XPO7: variants seen among roughly 807,000 people sequenced by gnomAD.
XPO7 encodes the protein exportin 7, also known as exportin-7.
In XPO7, 21 loss-of-function variants were observed where a neutral mutation model predicts 144.3. The ratio of observed to expected loss-of-function variants is 0.15; its 90% CI spans 0.10 to 0.21. The LOEUF (loss-of-function observed/expected upper bound fraction) is 0.21, where lower values mean the gene tolerates loss of function less well. XPO7 is among the 10% of genes least tolerant of loss of function. The pLI is 1.00. For synonymous variants in XPO7, 580 were observed against 499.6 expected (o/e 1.16, Z -2.15); for missense variants, 808 against 1,325.8 (o/e 0.61, Z 6.06).
chr8:21,994,565 G>A, intron 20 of XPO7, 114 bp downstream of exon 20: 2 of 985,382 alleles, frequency 2.0e-6, no homozygotes, highest in South Asian at 2.9e-5. Context: ...CAGAGAAGAT[G>A]AAGAGTTAGC....
At chr8:21,943,409 T>C (rs1811058302) in intron 1 of XPO7, among the ~76,000 whole-genome samples, 1 of 152,220 alleles carries the variant, frequency 6.6e-6, no homozygotes, top group Non-Finnish European at 1.5e-5. Context: ...TTTTAAAATA[T>C]TCTAATTCAC....
intron 1 of XPO7, among the ~76,000 whole-genome samples, chr8:21,947,986 G>A (rs902795241): frequency 6.6e-6 from 1 of 152,140 alleles, no homozygotes; most frequent in Non-Finnish European, 1.5e-5. Context: ...GAGGAAGAAG[G>A]AGCACAGTGG....
intron 5 of XPO7, among the ~76,000 whole-genome samples, chr8:21,972,235 T>G (rs1271045006): frequency 6.6e-6 from 1 of 152,022 alleles, no homozygotes; most frequent in African/African-American, 2.4e-5. Flanking sequence ...CGCAGCACTT[T>G]GGGAGGCCGA....
At chr8:21,966,324 A>G in intron 1 of XPO7, 1 of 780,390 alleles carries the variant, frequency 1.3e-6, no homozygotes, top group Non-Finnish European at 2.4e-6. Flanking sequence ...GTGCGTAAAT[A>G]CATCTTGAAG....
At position 21,919,729 on chromosome 8, in the gene XPO7, TGG is replaced by T; in HGVS notation, c.-36_-35del. ...CAGCGGCTCCGGCCGAGGTGCGCGC[TGG>T]GGGGGAGGGGGGGCCGGAGAGGAGC... On this transcript the variant is annotated 5_prime_UTR_variant, in exon 1 of 28. Transcript: ENST00000252512. 1.7e-5 allele frequency: 4 copies of T among 241,952 alleles called. No individual in the cohort carries two copies. Among genetic ancestry groups the T allele is most frequent in the East Asian group, 1.8e-4 (1 of 5,694 alleles). The allele number at this position is 241,952 out of a possible 1,614,324, so 15.0% of individuals were successfully genotyped here. A position where few individuals can be genotyped will look rare whatever the true frequency, so the allele number is the denominator to read the frequency against.
At position 21,983,861 on chromosome 8, in the gene XPO7, G is replaced by C. The variant is rs538405769; in HGVS notation, c.1278-785G>C. On this transcript the variant is annotated intron_variant, in intron 11 of 27. Coordinates refer to ENST00000252512, the MANE Select transcript of XPO7 (RefSeq NM_015024.5). ...TAGTTTTAGTGCTGCTGCTCCTGCT[G>C]CTGCTGCTGCTGCCATTATCATATT... Among the ~76,000 whole-genome samples the C allele has an allele frequency of 3.8e-3, 415 of 109,960 alleles. 4 individuals carry two copies. Among genetic ancestry groups the C allele is most frequent in the African/African-American group, 0.019 (403 of 20,844 alleles). 72.1% of individuals were successfully genotyped at this position (109,960 alleles called of 152,430 possible). A position where few individuals can be genotyped will look rare whatever the true frequency, so the allele number is the denominator to read the frequency against.
chr8:21,993,152 G>A (rs976305978), intron 19 of XPO7, among the ~76,000 whole-genome samples: 1 of 152,102 alleles, frequency 6.6e-6, no homozygotes, highest in African/African-American at 2.4e-5. Context: ...ACCAACTTTA[G>A]GCTAGAGTAT....
intron 1 of XPO7, among the ~76,000 whole-genome samples, chr8:21,953,302 C>T (rs1455954227): frequency 6.6e-6 from 1 of 152,190 alleles, no homozygotes; most frequent in African/African-American, 2.4e-5. Flanking sequence ...TCCTGGCAAC[C>T]ACTGCTCTTT....
Position 21,984,740 on chromosome 8 carries a change from T to C in XPO7, c.1372T>C (p.Cys458Arg). The C allele has an allele frequency of 6.2e-7, 1 of 1,614,000 alleles. No individual in the cohort carries two copies. The highest frequency in any genetic ancestry group is 8.5e-7 in the Non-Finnish European group (1 of 1,179,886). The change falls in exon 12 of 28, where the codon TGT becomes CGT. Residue 458 changes from cysteine (C) to arginine (R), a missense_variant. Coordinates refer to ENST00000252512, the MANE Select transcript of XPO7 (RefSeq NM_015024.5). ...TIGRCEYEKT[C>R]ALLVQLFDQS... Reference sequence around the variant, plus strand: ...TGGGCGTTGTGAATATGAGAAGACGTGTGCACTCCTCGTGCAGTTGTTTGA... The same window carrying C: ...TGGGCGTTGTGAATATGAGAAGACGCGTGCACTCCTCGTGCAGTTGTTTGA...
Position 21,991,861 on chromosome 8 carries a change from T to G in XPO7, c.2042-7T>G. On this transcript the variant is annotated splice_polypyrimidine_tract_variant and splice_region_variant and intron_variant, in intron 18 of 27. Transcript: ENST00000252512. ...TGGGGTTACACCCTGGGATGTTTCC[T>G]TTACAGGAGAGGATGAAGATCAGTA... The G allele has an allele frequency of 6.2e-7, 1 of 1,607,502 alleles. No individual in the cohort carries two copies.
intron 1 of XPO7, chr8:21,966,355 G>A (rs73221580): frequency 0.011 from 8,242 of 777,898 alleles, 65 homozygotes; most frequent in Non-Finnish European, 0.016. Flanking sequence ...AGGTTTTCTC[G>A]TACAGGTGAC....
chr8:21,964,065 T>C (rs1395938248), intron 1 of XPO7: 3 of 152,240 alleles, frequency 2.0e-5, no homozygotes, highest in Non-Finnish European at 2.9e-5. Flanking sequence ...ATGAGTTTCT[T>C]ATACTAAAAA....
intron 19 of XPO7, among the ~76,000 whole-genome samples, chr8:21,992,503 T>G (rs908041197): frequency 6.6e-6 from 1 of 152,224 alleles, no homozygotes; most frequent in Non-Finnish European, 1.5e-5. Flanking sequence ...TCTTTGACAC[T>G]TGAGTCACTT....
Position 21,995,383 on chromosome 8 carries a change from C to CTT in XPO7, c.2238-108_2238-107dup. 3 of 837,190 alleles carry CTT rather than the reference C, an allele frequency of 3.6e-6. No individual in the cohort carries two copies. The South Asian group carries it at 5.3e-5, about 15-fold the overall frequency. 51.9% of individuals were successfully genotyped at this position (837,190 alleles called of 1,614,324 possible). A position where few individuals can be genotyped will look rare whatever the true frequency, so the allele number is the denominator to read the frequency against. On this transcript the variant is annotated intron_variant, in intron 20 of 27. Transcript: ENST00000252512. Reference sequence around the variant, plus strand: ...AAGATTAGCAAGCAAGAGACAGGAACTTAAAGAACTGTAGTTTGACAAGTT... The same window carrying CTT: ...AAGATTAGCAAGCAAGAGACAGGAACTTTTAAAGAACTGTAGTTTGACAAGTT...
In XPO7 at chr8:21,976,397, T is replaced by A; in HGVS notation, c.639T>A (p.His213Gln). Residue 213 changes from histidine (H) to glutamine (Q), a missense_variant, in exon 7 of 28, where the codon CAT (histidine) becomes CAA (glutamine). By Grantham distance (24) the His-to-Gln change is conservative (BLOSUM62 0). This residue lies in a region of XPO7 where 223 missense variants were observed against 368.8 expected (regional missense o/e 0.60). Coordinates refer to ENST00000252512, the MANE Select transcript of XPO7 (RefSeq NM_015024.5). ...TAAACTTGAATGATGAAAGTCAGCA[T>A]GGCTTGCTCATGCAACTGCTCAAGC... ...KNLNLNDESQ[H>Q]GLLMQLLKLT... 6.2e-7 allele frequency: 1 copy of A among 1,614,026 alleles called. No individual in the cohort carries two copies.
chr8:21,947,135 T>G (rs1811218949), intron 1 of XPO7, among the ~76,000 whole-genome samples: 1 of 152,170 alleles, frequency 6.6e-6, no homozygotes, highest in Non-Finnish European at 1.5e-5. Context: ...AATCTAAACA[T>G]CGTATGACAT....
At chr8:21,959,444 A>G (rs997949195) in intron 1 of XPO7, among the ~76,000 whole-genome samples, 7 of 152,198 alleles carry the variant, frequency 4.6e-5, no homozygotes, top group African/African-American at 1.4e-4. Flanking sequence ...AACTTAAGTC[A>G]TGCTCCTACA....
At chr8:21,969,628 T>A in intron 3 of XPO7, 52 bp downstream of exon 3, 1 of 1,484,934 alleles carries the variant, frequency 6.7e-7, no homozygotes, top group South Asian at 1.2e-5. Context: ...TGTTTAGTGA[T>A]GTGCTAGTAA....
intron 19 of XPO7, among the ~76,000 whole-genome samples, chr8:21,993,915 G>GTCTCTCTCTCTCTC (rs146886015): frequency 1.4e-5 from 2 of 141,042 alleles, no homozygotes; most frequent in African/African-American, 5.5e-5. Context: ...TCTTTGCCGT[G>GTCTCTCTCTCTCTC]TCTCTCTCTC....
Sources: gnomAD v4.1 joint callset for allele counts (sites outside exome capture counted in the v4.1 genomes callset) on GRCh38, gnomAD v4.1.1 for gene constraint, gnomAD v4.1.1 regional missense constraint, MANE v1.5 for transcripts, NCBI Gene and HGNC (gene_info 2026-07-23, HGNC 2026-07-21) for gene names.